Variants in BCLAF3 observed in about 807,000 individuals in gnomAD.
The protein encoded by BCLAF3 is BCLAF1 and THRAP3 family member 3, also known as transient octamer binding factor 1.
A neutral mutation model predicts 51.2 loss-of-function variants in BCLAF3; 24 were observed. The ratio of observed to expected loss-of-function variants is 0.47; its 90% CI spans 0.34 to 0.66. BCLAF3 has a LOEUF of 0.66. Among genes scored for constraint, BCLAF3 ranks in the 30% least tolerant of loss-of-function variants. The pLI is 0.01. For missense variants in BCLAF3, 465 were observed against 525.1 expected, an observed-to-expected ratio of 0.89 and a Z score of 1.12; for synonymous variants, 152 against 176.6, an observed-to-expected ratio of 0.86 and a Z score of 1.10.
chrX:19,914,136 T>C lies in BCLAF3; in HGVS notation c.*3169A>G, dbSNP rs757617064. 4 of 111,106 alleles carry C rather than the reference T, an allele frequency of 3.6e-5. No homozygotes were observed. The highest frequency in any genetic ancestry group is 1.3e-4 in the African/African-American group (4 of 30,530). 9.2% of individuals were successfully genotyped at this position (111,106 alleles called of 1,213,427 possible). A position where few individuals can be genotyped will look rare whatever the true frequency, so the allele number is the denominator to read the frequency against. On this transcript the variant is annotated 3_prime_UTR_variant, in exon 12 of 12. Coordinates refer to ENST00000379682, the MANE Select transcript of BCLAF3 (RefSeq NM_001367774.2). ...GCTCTGAGACCTGGGAAATGCCTAG[T>C]CCTGGTGAATCTTACCCCTTCTGCT...
At chrX:19,949,865 A>G (rs2071423234) in intron 8 of BCLAF3, among the ~76,000 whole-genome samples, 1 of 111,764 alleles carries the variant, frequency 8.9e-6, no homozygotes, top group Non-Finnish European at 1.9e-5. Flanking sequence ...ATAAGAACTC[A>G]AGTGAACTGG....
intron 8 of BCLAF3, among the ~76,000 whole-genome samples, chrX:19,946,162 C>T (rs1664830220): frequency 9.0e-6 from 1 of 111,491 alleles, no homozygotes; most frequent in African/African-American, 3.3e-5. Context: ...CACTGGCCTG[C>T]GCCCACTGTC....
At chrX:19,985,543 C>T (rs1257519006) in intron 1 of BCLAF3, among the ~76,000 whole-genome samples, 1 of 110,725 alleles carries the variant, frequency 9.0e-6, no homozygotes, top group Admixed American at 9.6e-5. Context: ...CTATGATAGA[C>T]CACTGCACCC....
rs201049246 is a variant in BCLAF3, at chrX:19,917,274, G to A, written c.*31C>T. On this transcript the variant is annotated 3_prime_UTR_variant, in exon 12 of 12. Transcript: ENST00000379682. ...GAGAGATGCTCCCAAACATCCTCCT[G>A]TAGCGTCATTTCCATTTGTACGATT... is the stretch of plus-strand genomic sequence containing the variant. The A allele has an allele frequency of 4.8e-5, 57 of 1,182,861 alleles. No individual in the cohort carries two copies. Among genetic ancestry groups the A allele is most frequent in the Non-Finnish European group, 6.4e-5 (56 of 872,195 alleles).
At chrX:19,945,540 G>A (rs1271790296) in intron 8 of BCLAF3, among the ~76,000 whole-genome samples, 4 of 87,190 alleles carry the variant, frequency 4.6e-5, no homozygotes, top group African/African-American at 2.2e-4. Context: ...GCCGTGTGAG[G>A]TGTCAGTGTG....
At chrX:19,984,095 A>G (rs1197865435) in intron 1 of BCLAF3, among the ~76,000 whole-genome samples, 2 of 107,644 alleles carry the variant, frequency 1.9e-5, no homozygotes, top group Non-Finnish European at 3.8e-5. Context: ...AAAAAAAAAA[A>G]AAGACTAGGA....
intron 11 of BCLAF3, among the ~76,000 whole-genome samples, chrX:19,926,279 A>G (rs1412715313): frequency 8.9e-6 from 1 of 111,974 alleles, no homozygotes; most frequent in Non-Finnish European, 1.9e-5. Context: ...GGTGGTGACC[A>G]GCACTGAAAC....
chrX:19,939,010 G>C (rs1405020055), intron 8 of BCLAF3, among the ~76,000 whole-genome samples: 3 of 112,087 alleles, frequency 2.7e-5, no homozygotes, highest in Admixed American at 9.5e-5. Flanking sequence ...GATTCGTTTT[G>C]TGGCCCCAGC....
chrX:19,960,832 G>T (rs1018764408), intron 4 of BCLAF3, among the ~76,000 whole-genome samples: 8 of 111,774 alleles, frequency 7.2e-5, no homozygotes, highest in African/African-American at 2.6e-4. Context: ...GAGCTGATAG[G>T]GGTAGAGACA....
intron 1 of BCLAF3, among the ~76,000 whole-genome samples, chrX:19,983,932 C>T (rs1238748636): frequency 1.9e-5 from 2 of 107,997 alleles, no homozygotes; most frequent in African/African-American, 6.8e-5. Flanking sequence ...TGTAGCTGGG[C>T]GTGGCGGCAC....
intron 8 of BCLAF3, among the ~76,000 whole-genome samples, chrX:19,941,261 A>G (rs2071031261): frequency 9.4e-6 from 1 of 106,593 alleles, no homozygotes; most frequent in Non-Finnish European, 1.9e-5. Context: ...GCTGTGCAGA[A>G]GCTCTTTAGT....
At chrX:19,973,402 A>G (rs1167030833) in intron 1 of BCLAF3, among the ~76,000 whole-genome samples, 4 of 111,992 alleles carry the variant, frequency 3.6e-5, no homozygotes, top group African/African-American at 1.3e-4. Context: ...GGAAAGAAAA[A>G]AAGCTCAAGA....
chrX:19,964,177 A>G (rs2071961627), intron 4 of BCLAF3, among the ~76,000 whole-genome samples: 1 of 111,900 alleles, frequency 8.9e-6, no homozygotes, highest in Non-Finnish European at 1.9e-5. Context: ...TACCAAATCA[A>G]CATGGCCCCC....
intron 2 of BCLAF3, among the ~76,000 whole-genome samples, chrX:19,968,478 G>A (rs896639610): frequency 4.4e-5 from 5 of 112,967 alleles, no homozygotes; most frequent in African/African-American, 1.6e-4. Flanking sequence ...ATGTTCCTCA[G>A]TTGTACTATA....
chrX:19,918,949 G>A (rs776108012), intron 11 of BCLAF3, among the ~76,000 whole-genome samples: 1 of 110,571 alleles, frequency 9.0e-6, no homozygotes, highest in South Asian at 3.8e-4. Flanking sequence ...TGGTCTTCCT[G>A]CACCTCATTT....
intron 1 of BCLAF3, among the ~76,000 whole-genome samples, chrX:19,983,927 C>T (rs1486586416): frequency 9.2e-6 from 1 of 108,311 alleles, no homozygotes; most frequent in African/African-American, 3.4e-5. Context: ...AAAAATGTAG[C>T]TGGGCGTGGC....
chrX:19,946,389 G>GA (rs1298030150), intron 8 of BCLAF3, among the ~76,000 whole-genome samples: 1 of 111,972 alleles, frequency 8.9e-6, no homozygotes, highest in African/African-American at 3.2e-5. Context: ...ACATACAGAG[G>GA]ATATGGGAGG....
At chrX:19,952,945 C>T (rs1304911243) in intron 7 of BCLAF3, 43 bp downstream of exon 7, 1 of 1,095,987 alleles carries the variant, frequency 9.1e-7, no homozygotes, top group Admixed American at 2.4e-5. Flanking sequence ...CGTTAATATA[C>T]AAACAATAAG....
chrX:19,938,096 T>C (rs1230372881), intron 8 of BCLAF3, among the ~76,000 whole-genome samples: 1 of 111,342 alleles, frequency 9.0e-6, no homozygotes, highest in Non-Finnish European at 1.9e-5. Flanking sequence ...CACAAAGGGC[T>C]CTTCTCAGGC....
Sources: gnomAD v4.1 joint callset for allele counts (sites outside exome capture counted in the v4.1 genomes callset) on GRCh38, gnomAD v4.1.1 for gene constraint, MANE v1.5 for transcripts, NCBI Gene and HGNC (gene_info 2026-07-23, HGNC 2026-07-21) for gene names.